ADCY1: variants seen among roughly 807,000 people sequenced by gnomAD.
ADCY1 encodes adenylate cyclase type 1.
In ADCY1, 28 loss-of-function variants were observed where a neutral mutation model predicts 105.4. The ratio of observed to expected loss-of-function variants is 0.27; its 90% CI spans 0.20 to 0.36. The LOEUF is 0.36. ADCY1 is among the 10% of genes least tolerant of loss of function. The pLI, the probability that ADCY1 is intolerant of heterozygous loss-of-function variation, is 1.00. For missense variants in ADCY1, 977 were observed against 1,434.2 expected, an observed-to-expected ratio of 0.68 and a Z score of 5.15; for synonymous variants, 655 against 623.8, an observed-to-expected ratio of 1.05 and a Z score of -0.75.
chr7:45,603,061 T>C (rs569150955), intron 2 of ADCY1, among the ~76,000 whole-genome samples: 27 of 152,358 alleles, frequency 1.8e-4, no homozygotes, highest in African/African-American at 6.5e-4. Flanking sequence ...AATCATATAA[T>C]AGGTGATCTT....
intron 1 of ADCY1, among the ~76,000 whole-genome samples, chr7:45,590,198 G>A (rs953485424): frequency 1.3e-5 from 2 of 152,084 alleles, no homozygotes; most frequent in Non-Finnish European, 2.9e-5. Context: ...CAACTGACCC[G>A]CCAGCTGTGC....
chr7:45,713,073 C>A (rs1785294637), intron 19 of ADCY1, among the ~76,000 whole-genome samples: 1 of 152,146 alleles, frequency 6.6e-6, no homozygotes, highest in Non-Finnish European at 1.5e-5. Flanking sequence ...AGTTGGAAGT[C>A]AGGCTTTGCC....
At position 45,575,257 on chromosome 7, in the gene ADCY1, G is replaced by A. The variant is rs912544132; in HGVS notation, c.639+75G>A. ...ACGATGCTGGGAATGCCCGGAGTCG[G>A]GCGCGCTTTTTCCTATGCGGCGGGT... is the stretch of plus-strand genomic sequence containing the variant. On this transcript the variant is annotated intron_variant, in intron 1 of 19. Coordinates refer to ENST00000297323, the MANE Select transcript of ADCY1 (RefSeq NM_021116.4). This position sits in a 1 kb window ranked among gnomAD's most constrained non-coding sequence, Gnocchi z 4.7. The A allele has an allele frequency of 6.7e-7, 1 of 1,498,182 alleles. No homozygotes were observed. Among genetic ancestry groups the A allele is most frequent in the Non-Finnish European group, 8.8e-7 (1 of 1,131,144 alleles). The allele number at this position is 1,498,182 out of a possible 1,614,324, so 92.8% of individuals were successfully genotyped here.
Position 45,634,809 on chromosome 7 carries a change from G to A in ADCY1, c.1020+12066G>A, listed in dbSNP as rs546200459. Among the ~76,000 whole-genome samples the A allele has an allele frequency of 3.3e-5, 5 of 152,236 alleles. No individual in the cohort carries two copies. The South Asian group carries it at 1.0e-3, about 32-fold the overall frequency. On this transcript the variant is annotated intron_variant, in intron 4 of 19. Coordinates refer to ENST00000297323, the MANE Select transcript of ADCY1 (RefSeq NM_021116.4). ...GGGTTGTAACCCCATCAGAAGTTGA[G>A]GAGGATTTGTATTGCATTATCCTTA...
intron 8 of ADCY1, among the ~76,000 whole-genome samples, chr7:45,666,870 G>A (rs529229986): frequency 6.6e-6 from 1 of 152,304 alleles, no homozygotes; most frequent in African/African-American, 2.4e-5. Context: ...GCATTTCTCT[G>A]ATGGCCAGTG....
chr7:45,595,765 A>G (rs1276830918), intron 2 of ADCY1, among the ~76,000 whole-genome samples: 3 of 152,226 alleles, frequency 2.0e-5, no homozygotes, highest in Non-Finnish European at 2.9e-5. Context: ...GTTTTGACAC[A>G]TGAGCGCTGA....
intron 11 of ADCY1, among the ~76,000 whole-genome samples, chr7:45,683,749 A>G (rs1784609439): frequency 6.6e-6 from 1 of 152,222 alleles, no homozygotes; most frequent in South Asian, 2.1e-4. Context: ...AGCTCAGGTC[A>G]TGCGGTAACT....
intron 14 of ADCY1, among the ~76,000 whole-genome samples, chr7:45,698,314 AT>A (rs1261566362): frequency 9.2e-5 from 14 of 152,226 alleles, no homozygotes; most frequent in Admixed American, 9.2e-4. Flanking sequence ...CAGGGATAAC[AT>A]TTTTAATTCA....
Position 45,574,863 on chromosome 7 carries a change from T to C in ADCY1, c.320T>C (p.Val107Ala), listed in dbSNP as rs1324703550. ...TGCGTCCTCTTCCTGGCGCTGCTCGTGGTAACCAACGTCCGGTCCCTGCAG... is the reference window on the plus strand; with the variant it reads ...TGCGTCCTCTTCCTGGCGCTGCTCGCGGTAACCAACGTCCGGTCCCTGCAG... ...VHCVLFLALL[V>A]VTNVRSLQVP... Residue 107 changes from valine to alanine, a missense_variant, in exon 1 of 20, where the codon GTG becomes GCG. By Grantham distance (64) the Val-to-Ala change is moderately conservative (BLOSUM62 0). Transcript: ENST00000297323. The surrounding 1 kb of genome is among the most constrained non-coding windows in gnomAD (Gnocchi z 7.0). The C allele has an allele frequency of 1.9e-5, 31 of 1,611,460 alleles. No homozygotes were observed. The highest frequency in any genetic ancestry group is 2.5e-5 in the Non-Finnish European group (30 of 1,179,626).
At chr7:45,637,808 C>G (rs1279425509) in intron 4 of ADCY1, among the ~76,000 whole-genome samples, 1 of 152,180 alleles carries the variant, frequency 6.6e-6, no homozygotes, top group Non-Finnish European at 1.5e-5. Flanking sequence ...TTTCGTACTT[C>G]AGAAAGACTC....
chr7:45,587,507 A>G (rs1792766766), intron 1 of ADCY1, among the ~76,000 whole-genome samples: 1 of 152,122 alleles, frequency 6.6e-6, no homozygotes, highest in South Asian at 2.1e-4. Context: ...AAGGACAGAG[A>G]GAGAACGTCA....
chr7:45,691,651 T>G (rs1296544545), intron 14 of ADCY1, among the ~76,000 whole-genome samples: 1 of 152,250 alleles, frequency 6.6e-6, no homozygotes, highest in Non-Finnish European at 1.5e-5. Flanking sequence ...ATCATGGCAA[T>G]TATAATTTCA....
intron 2 of ADCY1, among the ~76,000 whole-genome samples, chr7:45,594,123 G>A (rs1793005287): frequency 6.6e-6 from 1 of 152,194 alleles, no homozygotes; most frequent in African/African-American, 2.4e-5. Context: ...ATGTGTGTGT[G>A]GCTTTGTAAT....
At chr7:45,655,072 CCT>C (rs1307050265) in intron 5 of ADCY1, among the ~76,000 whole-genome samples, 2 of 152,152 alleles carry the variant, frequency 1.3e-5, no homozygotes, top group African/African-American at 2.4e-5. Context: ...TTTTTTTCCC[CCT>C]GTTATGTGCA....
intron 8 of ADCY1, among the ~76,000 whole-genome samples, chr7:45,671,664 C>T (rs1364949447): frequency 6.6e-6 from 1 of 152,188 alleles, no homozygotes. Flanking sequence ...TGGCATTTCA[C>T]TGATGGCTAA....
At chr7:45,627,641 G>A (rs1562695439) in intron 4 of ADCY1, among the ~76,000 whole-genome samples, 1 of 152,186 alleles carries the variant, frequency 6.6e-6, no homozygotes, top group Admixed American at 6.5e-5. Context: ...AATGGCCAGA[G>A]GAGGGGCTGG....
At chr7:45,652,083 C>T (rs777446967) in intron 5 of ADCY1, among the ~76,000 whole-genome samples, 7 of 152,084 alleles carry the variant, frequency 4.6e-5, no homozygotes, top group African/African-American at 4.8e-5. Flanking sequence ...GAGGCAAGCA[C>T]GTCTTCTCAT....
chr7:45,578,939 C>T (rs748349744), intron 1 of ADCY1, among the ~76,000 whole-genome samples: 11 of 152,200 alleles, frequency 7.2e-5, no homozygotes, highest in Non-Finnish European at 1.0e-4. Flanking sequence ...CTTTCAATTT[C>T]GTTGCTTATC....
intron 14 of ADCY1, among the ~76,000 whole-genome samples, chr7:45,697,130 A>G (rs573094437): frequency 6.6e-6 from 1 of 152,318 alleles, no homozygotes; most frequent in Non-Finnish European, 1.5e-5. Context: ...AATTTCCAGC[A>G]GATCCTACCC....
Sources: gnomAD v4.1 joint callset for allele counts (sites outside exome capture counted in the v4.1 genomes callset) on GRCh38, gnomAD v4.1.1 for gene constraint, Gnocchi (gnomAD v3.1) non-coding constraint, MANE v1.5 for transcripts, NCBI Gene and HGNC (gene_info 2026-07-23, HGNC 2026-07-21) for gene names.